The following NCOR2 variants were observed in gnomAD, a reference collection of about 807,000 sequenced individuals.
NCOR2 encodes the protein CTG repeat protein 26.
A neutral mutation model predicts 262.9 loss-of-function variants in NCOR2; 81 were observed. The ratio of observed to expected loss-of-function variants is 0.31; its 90% CI spans 0.26 to 0.37. The LOEUF (loss-of-function observed/expected upper bound fraction) is 0.37, where lower values mean the gene tolerates loss of function less well. Among genes scored for constraint, NCOR2 ranks in the 10% least tolerant of loss-of-function variants. NCOR2 has a pLI of 1.00. For missense variants in NCOR2, 3,385 were observed against 3,621.4 expected (o/e 0.93, Z 1.68); for synonymous variants, 1,659 against 1,559.3 (o/e 1.06, Z -1.51).
Position 124,348,050 on chromosome 12 carries a change from C to T in NCOR2, c.3985+124G>A, listed in dbSNP as rs116591462. 2,914 of 1,494,380 alleles carry T rather than the reference C, an allele frequency of 1.9e-3. 45 individuals carry two copies. The African/African-American group carries it at 0.035, about 18-fold the overall frequency. The allele number at this position is 1,494,380 out of a possible 1,614,324, so 92.6% of individuals were successfully genotyped here. On this transcript the variant is annotated intron_variant, in intron 29 of 46. Transcript: ENST00000405201. The stretch of plus-strand genomic sequence containing the variant: ...AGGACCCAGCACGGGAAGGTCCCTG[C>T]GCTACCTCCAGATGGAGCCTCAGAA...
intron 30 of NCOR2, 46 bp downstream of exon 32, chr12:124,347,779 T>A: frequency 6.5e-7 from 1 of 1,545,226 alleles, no homozygotes. Context: ...CCTGCGTGAC[T>A]GTACACCCGT....
At chr12:124,337,799 G>C (rs1593111348) in intron 37 of NCOR2, among the ~76,000 whole-genome samples, 1 of 142,752 alleles carries the variant, frequency 7.0e-6, no homozygotes, top group Admixed American at 6.8e-5. Context: ...CCCTGCACAG[G>C]GCTGGGGCTG....
At position 124,373,825 on chromosome 12, in the gene NCOR2, C is replaced by T. The variant is rs574802523; in HGVS notation, c.2218+588G>A. Among the ~76,000 whole-genome samples, 14 of 24,960 alleles carry T rather than the reference C, an allele frequency of 5.6e-4. 3 individuals are homozygous for T. The highest frequency in any genetic ancestry group is 1.2e-3 in the African/African-American group (13 of 11,082). 16.4% of individuals were successfully genotyped at this position (24,960 alleles called of 152,430 possible). A position where few individuals can be genotyped will look rare whatever the true frequency, so the allele number is the denominator to read the frequency against. ...ATGAGGCCAGTGCGTGTGCAGGGGC[C>T]CTGGGCACGGTGGACAATCATGAGG... On this transcript the variant is annotated intron_variant, in intron 19 of 46. Coordinates refer to ENST00000405201, the Ensembl canonical transcript of NCOR2.
At chr12:124,560,167 A>C (rs548237668) in intron 1 of NCOR2, among the ~76,000 whole-genome samples, 1 of 152,348 alleles carries the variant, frequency 6.6e-6, no homozygotes, top group East Asian at 1.9e-4. Context: ...ACTGAGGTTC[A>C]AAACAGTGAG....
At chr12:124,376,230 C>A (rs1324853357) in intron 18 of NCOR2, among the ~76,000 whole-genome samples, 1 of 152,202 alleles carries the variant, frequency 6.6e-6, no homozygotes, top group East Asian at 1.9e-4. Flanking sequence ...CCACCTCAGC[C>A]CTCCCTCCTC....
At chr12:124,337,792 T>A (rs981683025) in intron 37 of NCOR2, among the ~76,000 whole-genome samples, 1 of 142,742 alleles carries the variant, frequency 7.0e-6, no homozygotes, top group East Asian at 1.9e-4. Flanking sequence ...CAGCTGCCCC[T>A]GCACAGGGCT....
chr12:124,482,226 CCACA>C lies in NCOR2; in HGVS notation c.411+1366_411+1369del, dbSNP rs2047531444. On this transcript the variant is annotated intron_variant, in intron 3 of 46. Coordinates refer to ENST00000405201, the Ensembl canonical transcript of NCOR2. This position sits in a 1 kb window ranked among gnomAD's most constrained non-coding sequence, Gnocchi z 6.3. ...GCAGGGAGGCCAAGCCAGCCAACGA[CCACA>C]CAGACACCCCAGCCCCTCCCTCCCC... Among the ~76,000 whole-genome samples, 1 of 152,154 alleles carries C rather than the reference CCACA, an allele frequency of 6.6e-6. No homozygotes were observed. The highest frequency in any genetic ancestry group is 1.5e-5 in the Non-Finnish European group (1 of 67,994).
Position 124,390,429 on chromosome 12 carries a change from C to CA in NCOR2, c.1877-4543dup, listed in dbSNP as rs1593336277. The stretch of plus-strand genomic sequence containing the variant: ...CCTTGTCTTCCCTCTGGTCTTGGCT[C>CA]AAGTGATGGCTCCTCAGAGAAGCCT... On this transcript the variant is annotated intron_variant, in intron 16 of 46. Coordinates refer to ENST00000405201, the Ensembl canonical transcript of NCOR2. Among the ~76,000 whole-genome samples the CA allele has an allele frequency of 2.0e-5, 3 of 152,088 alleles. No homozygotes were observed. The East Asian group carries it at 5.8e-4, about 29-fold the overall frequency.
At chr12:124,344,612 G>T in exon 32 of NCOR2, 1 of 1,454,386 alleles carries the variant, frequency 6.9e-7, no homozygotes. Context: ...TGCAGGCGCG[G>T]CGTGGGCTCC....
exon 47 of NCOR2, chr12:124,325,341 C>T: frequency 9.1e-7 from 1 of 1,102,360 alleles, no homozygotes; most frequent in Non-Finnish European, 1.2e-6. Flanking sequence ...CCTGCTCCTG[C>T]AGGGCCGTTC....
exon 35 of NCOR2, chr12:124,340,663 G>A (rs2036384628): frequency 2.0e-6 from 3 of 1,508,746 alleles, no homozygotes; most frequent in African/African-American, 1.4e-5. Flanking sequence ...TGGGGAGGTA[G>A]GCAAGGCGGT....
chr12:124,356,765 G>C, exon 23 of NCOR2: 1 of 1,485,716 alleles, frequency 6.7e-7, no homozygotes, highest in Non-Finnish European at 8.9e-7. Context: ...GGCAGCTTCT[G>C]GGCCTCGGCT....
At chr12:124,499,938 G>A (rs559868039), upstream of NCOR2, among the ~76,000 whole-genome samples, 82 of 152,270 alleles carry the variant, frequency 5.4e-4, no homozygotes, top group African/African-American at 1.8e-3. Flanking sequence ...AAATGGGCAG[G>A]TGGATGAAAG....
chr12:124,399,796 A>G (rs772309822), intron 15 of NCOR2, among the ~76,000 whole-genome samples: 1 of 152,154 alleles, frequency 6.6e-6, no homozygotes, highest in Non-Finnish European at 1.5e-5. Context: ...ACAGCTAAAC[A>G]AAGTAGAGAC....
intron 7 of NCOR2, among the ~76,000 whole-genome samples, chr12:124,439,418 G>GGC (rs2044679735): frequency 8.6e-6 from 1 of 116,462 alleles, no homozygotes. Flanking sequence ...GAGACCCAGA[G>GGC]AGAGAGAGAG....
At chr12:124,428,478 A>G (rs74359754) in intron 10 of NCOR2, among the ~76,000 whole-genome samples, 2,878 of 152,338 alleles carry the variant, frequency 0.019, 92 homozygotes, top group African/African-American at 0.066. Flanking sequence ...GCTCTGCCCC[A>G]GACCAGCTGA....
chr12:124,332,354 T>G, exon 43 of NCOR2: 1 of 1,614,194 alleles, frequency 6.2e-7, no homozygotes, highest in Non-Finnish European at 8.5e-7. Context: ...GGTGTTCAGC[T>G]TCTTGTTGAT....
In NCOR2 at chr12:124,336,847, G is replaced by T. The variant is rs780133294; in HGVS notation, c.6021C>A (p.Asp2007Glu). The stretch of plus-strand genomic sequence containing the variant: ...AGGCCGAGGCAGGTGGCGCCGGCGG[G>T]TCCGGGCTGGCGTGGTGAGGTGCGA... The change falls in exon 38 of 47, where the codon GAC (aspartate) becomes GAA (glutamate). Residue 2007 changes from aspartate (D) to glutamate (E), a missense_variant. By Grantham distance (45) the Asp-to-Glu change is conservative. Coordinates refer to ENST00000405201, the Ensembl canonical transcript of NCOR2. 3 of 1,612,322 alleles carry T rather than the reference G, an allele frequency of 1.9e-6. No individual in the cohort carries two copies. In the South Asian group the frequency reaches 3.3e-5, roughly 18 times the overall value.
At chr12:124,469,438 C>G (rs1593695327) in intron 4 of NCOR2, among the ~76,000 whole-genome samples, 1 of 152,296 alleles carries the variant, frequency 6.6e-6, no homozygotes, top group Non-Finnish European at 1.5e-5. Context: ...ACGGAACAAA[C>G]AAAGCCAAGA....
Sources: gnomAD v4.1 joint callset for allele counts (sites outside exome capture counted in the v4.1 genomes callset) on GRCh38, gnomAD v4.1.1 for gene constraint, Gnocchi (gnomAD v3.1) non-coding constraint, MANE v1.5 for transcripts, NCBI Gene and HGNC (gene_info 2026-07-23, HGNC 2026-07-21) for gene names.